The following ANO3 variants were observed in gnomAD, a reference collection of about 807,000 sequenced individuals.
ANO3 encodes the protein anoctamin-3.
ANO3 carries 99 observed loss-of-function variants against 144.8 expected under a neutral mutation model. The ratio of observed to expected loss-of-function variants is 0.68; its 90% CI spans 0.58 to 0.81. ANO3 has a LOEUF of 0.81. Ranked by LOEUF, ANO3 falls within the 30% of genes least tolerant of loss-of-function variation. ANO3 has a pLI of 0.00. For synonymous variants in ANO3, 414 were observed against 392.6 expected (o/e 1.05, Z -0.64); for missense variants, 905 against 1,202.2 (o/e 0.75, Z 3.66).
At chr11:26,629,441 A>G (rs537320637) in intron 18 of ANO3, among the ~76,000 whole-genome samples, 1 of 152,160 alleles carries the variant, frequency 6.6e-6, no homozygotes, top group Admixed American at 6.5e-5. Context: ...AAGACTAAAA[A>G]ATTCTTACGG....
chr11:26,363,951 T>A (rs1399026645), intron 1 of ANO3, among the ~76,000 whole-genome samples: 3 of 152,206 alleles, frequency 2.0e-5, no homozygotes, highest in Non-Finnish European at 4.4e-5. Flanking sequence ...AGTGCCTACT[T>A]GGTCCATTAA....
At chr11:26,376,474 T>C (rs1367793232) in intron 1 of ANO3, among the ~76,000 whole-genome samples, 1 of 152,260 alleles carries the variant, frequency 6.6e-6, no homozygotes, top group African/African-American at 2.4e-5. Flanking sequence ...TTCATTTACC[T>C]CAGTTCATAA....
At chr11:26,370,193 G>A (rs1163833986) in intron 1 of ANO3, among the ~76,000 whole-genome samples, 1 of 152,110 alleles carries the variant, frequency 6.6e-6, no homozygotes, top group African/African-American at 2.4e-5. Context: ...CATGGGTGTG[G>A]TTTTCCCCAT....
At chr11:26,589,603 C>G (rs952191581) in intron 14 of ANO3, among the ~76,000 whole-genome samples, 1 of 152,022 alleles carries the variant, frequency 6.6e-6, no homozygotes, top group Non-Finnish European at 1.5e-5. Flanking sequence ...TATTTTCCCC[C>G]AAAAGTCCCT....
At chr11:26,261,078 A>G (rs780739111) in intron 1 of ANO3, among the ~76,000 whole-genome samples, 1 of 152,216 alleles carries the variant, frequency 6.6e-6, no homozygotes, top group Non-Finnish European at 1.5e-5. Context: ...AATCTTCATG[A>G]ACAAACATCA....
At chr11:26,359,137 A>G (rs527535133) in intron 1 of ANO3, among the ~76,000 whole-genome samples, 10 of 152,236 alleles carry the variant, frequency 6.6e-5, no homozygotes, top group South Asian at 2.1e-4. Flanking sequence ...AGGCACTAGC[A>G]GTTTTACCTT....
chr11:26,622,817 T>C (rs974777856), intron 17 of ANO3, among the ~76,000 whole-genome samples: 1 of 152,168 alleles, frequency 6.6e-6, no homozygotes, highest in African/African-American at 2.4e-5. Flanking sequence ...TAAGGAATAA[T>C]AATATACGTA....
intron 3 of ANO3, among the ~76,000 whole-genome samples, chr11:26,447,731 A>G (rs1000076938): frequency 6.6e-6 from 1 of 152,090 alleles, no homozygotes; most frequent in African/African-American, 2.4e-5. Context: ...TCTGTTTTAC[A>G]TAAAGCAGCT....
chr11:26,374,697 G>T (rs934242989), intron 1 of ANO3, among the ~76,000 whole-genome samples: 4 of 152,178 alleles, frequency 2.6e-5, no homozygotes, highest in Admixed American at 2.0e-4. Flanking sequence ...GGAAAGTGGA[G>T]GTGGTTTCAG....
At position 26,260,685 on chromosome 11, in the gene ANO3, C is replaced by A. The variant is rs149621064; in HGVS notation, c.155-48960C>A. Among the ~76,000 whole-genome samples the A allele has an allele frequency of 5.8e-4, 89 of 152,284 alleles. No homozygotes were observed. The East Asian group carries it at 0.016, about 28-fold the overall frequency. On this transcript the variant is annotated intron_variant, in intron 1 of 27. Coordinates refer to the ANO3 transcript ENST00000672621. ...CTCACTCAAACACTGACTCTCAACC[C>A]CAATATAAATGTCCCCACTGCCAAG...
chr11:26,398,632 G>C (rs945735798), intron 1 of ANO3, among the ~76,000 whole-genome samples: 1 of 152,034 alleles, frequency 6.6e-6, no homozygotes, highest in Admixed American at 6.6e-5. Flanking sequence ...AGGACTAAGT[G>C]AGAGTAACTG....
At chr11:26,565,954 T>C (rs1363107897) in intron 14 of ANO3, 3 of 1,379,610 alleles carry the variant, frequency 2.2e-6, no homozygotes, top group African/African-American at 2.9e-5. Flanking sequence ...AGTTTTTAAA[T>C]GGATCTATAT....
chr11:26,600,738 A>G (rs1242244702), intron 17 of ANO3, among the ~76,000 whole-genome samples: 13 of 150,278 alleles, frequency 8.7e-5, no homozygotes. Context: ...TTGCCTAACT[A>G]TACCATTTTG....
chr11:26,569,787 A>T (rs1850746917), intron 14 of ANO3, among the ~76,000 whole-genome samples: 1 of 152,044 alleles, frequency 6.6e-6, no homozygotes, highest in Admixed American at 6.6e-5. Flanking sequence ...TGAAATGATG[A>T]TGGATTATGG....
chr11:26,434,544 C>T (rs553247718), intron 1 of ANO3, among the ~76,000 whole-genome samples: 1 of 152,204 alleles, frequency 6.6e-6, no homozygotes, highest in Admixed American at 6.5e-5. Flanking sequence ...ATCTTTCTAA[C>T]TTATTGATGT....
intron 1 of ANO3, among the ~76,000 whole-genome samples, chr11:26,322,732 G>A (rs1179263424): frequency 6.6e-6 from 1 of 152,100 alleles, no homozygotes; most frequent in Non-Finnish European, 1.5e-5. Context: ...CCTGGCTGAA[G>A]TAATGTTTAT....
chr11:26,453,298 A>G (rs1269241841), intron 3 of ANO3, among the ~76,000 whole-genome samples: 3 of 151,438 alleles, frequency 2.0e-5, no homozygotes, highest in African/African-American at 4.8e-5. Flanking sequence ...TTGGATAAAC[A>G]GTCAAGACCC....
At chr11:26,387,595 C>T (rs780565543) in intron 1 of ANO3, among the ~76,000 whole-genome samples, 1 of 151,924 alleles carries the variant, frequency 6.6e-6, no homozygotes, top group Non-Finnish European at 1.5e-5. Flanking sequence ...TTCTTAGTTG[C>T]TCTATGTCCT....
chr11:26,225,430 A>G (rs1367797707), intron 1 of ANO3, among the ~76,000 whole-genome samples: 1 of 152,066 alleles, frequency 6.6e-6, no homozygotes, highest in Non-Finnish European at 1.5e-5. Context: ...AAATAACGTT[A>G]TTTTTGTTAA....
Sources: allele counts gnomAD v4.1 joint callset (sites outside exome capture counted in the v4.1 genomes callset), GRCh38; gene constraint gnomAD v4.1.1; transcripts MANE v1.5; gene names NCBI Gene and HGNC (gene_info 2026-07-23, HGNC 2026-07-21).